The following KCNQ5 variants were observed in gnomAD, a reference collection of about 807,000 sequenced individuals.
The protein encoded by KCNQ5 is potassium voltage-gated channel subfamily KQT member 5.
A neutral mutation model predicts 98.2 loss-of-function variants in KCNQ5; 30 were observed. The observed-to-expected ratio is 0.31, with a 90% CI of 0.23 to 0.41. KCNQ5 has a LOEUF of 0.41. KCNQ5 is among the 10% of genes least tolerant of loss of function. KCNQ5 has a pLI of 1.00. For synonymous variants in KCNQ5, 458 were observed against 449.4 expected, an observed-to-expected ratio of 1.02 and a Z score of -0.24; for missense variants, 835 against 1,182.5, an observed-to-expected ratio of 0.71 and a Z score of 4.31.
chr6:73,176,319 C>T (rs1057082868), intron 11 of KCNQ5, among the ~76,000 whole-genome samples: 8 of 152,146 alleles, frequency 5.3e-5, no homozygotes, highest in East Asian at 1.9e-4. Context: ...ACCTCCCTCC[C>T]GCTTCTCTCT....
intron 1 of KCNQ5, among the ~76,000 whole-genome samples, chr6:72,716,291 A>T (rs1316340059): frequency 6.6e-6 from 1 of 152,244 alleles, no homozygotes; most frequent in Non-Finnish European, 1.5e-5. Context: ...TCACAAAGTG[A>T]CTATTTCATA....
At chr6:73,147,304 A>C (rs572427827) in intron 10 of KCNQ5, among the ~76,000 whole-genome samples, 1 of 152,262 alleles carries the variant, frequency 6.6e-6, no homozygotes, top group South Asian at 2.1e-4. Flanking sequence ...TAATTAATTA[A>C]TGCTGATTTC....
chr6:73,029,021 T>C (rs1771014745), intron 2 of KCNQ5, among the ~76,000 whole-genome samples: 1 of 152,172 alleles, frequency 6.6e-6, no homozygotes, highest in South Asian at 2.1e-4. Flanking sequence ...ATAGAGGCCG[T>C]CACCCATCAG....
At chr6:72,904,892 G>T (rs1779642493) in intron 1 of KCNQ5, among the ~76,000 whole-genome samples, 1 of 152,130 alleles carries the variant, frequency 6.6e-6, no homozygotes, top group African/African-American at 2.4e-5. Context: ...GGTGTTCTTT[G>T]TGCTTCTTGT....
intron 11 of KCNQ5, among the ~76,000 whole-genome samples, chr6:73,185,617 G>A (rs562011409): frequency 6.6e-6 from 1 of 152,304 alleles, no homozygotes; most frequent in South Asian, 2.1e-4. Context: ...TATTGTTGCT[G>A]GAACCTAAAG....
In KCNQ5 at chr6:72,987,243, G is replaced by T. The variant is rs1429311259; in HGVS notation, c.399-16665G>T. The T allele has an allele frequency of 4.3e-6, 3 of 690,436 alleles. No individual in the cohort carries two copies. The African/African-American group carries it at 5.2e-5, about 12-fold the overall frequency. The allele number at this position is 690,436 out of a possible 1,614,324, so 42.8% of individuals were successfully genotyped here. On this transcript the variant is annotated intron_variant, in intron 1 of 13. Coordinates refer to ENST00000370398, the MANE Select transcript of KCNQ5 (RefSeq NM_019842.4). ...AAAGAACAAGAGGAAAGAGAGTGGG[G>T]CAGCAAGAGACCCTTGGAAGGAGGA... is the stretch of plus-strand genomic sequence containing the variant.
At chr6:72,672,090 A>G (rs1228515400) in intron 1 of KCNQ5, among the ~76,000 whole-genome samples, 1 of 151,072 alleles carries the variant, frequency 6.6e-6, no homozygotes, top group Non-Finnish European at 1.5e-5. Flanking sequence ...TGCTGGGATT[A>G]CAGGCATGAG....
At chr6:73,052,847 C>T (rs936209463) in intron 3 of KCNQ5, among the ~76,000 whole-genome samples, 1 of 152,112 alleles carries the variant, frequency 6.6e-6, no homozygotes, top group East Asian at 1.9e-4. Flanking sequence ...TGCATAATAA[C>T]CAATTAACAA....
chr6:72,912,969 T>C (rs1391970290), intron 1 of KCNQ5, among the ~76,000 whole-genome samples: 2 of 152,100 alleles, frequency 1.3e-5, no homozygotes, highest in East Asian at 3.9e-4. Flanking sequence ...GTCTTAATAC[T>C]TGGGTTATGA....
chr6:72,902,890 T>C (rs1444322273), intron 1 of KCNQ5, among the ~76,000 whole-genome samples: 1 of 152,154 alleles, frequency 6.6e-6, no homozygotes, highest in Non-Finnish European at 1.5e-5. Context: ...CTTTATCTTA[T>C]GAAATAGTGT....
intron 6 of KCNQ5, 70 bp from the exon 7 acceptor site, chr6:73,111,238 C>A: frequency 1.9e-6 from 2 of 1,060,948 alleles, no homozygotes; most frequent in Non-Finnish European, 2.9e-6. Flanking sequence ...ATTTTAGTGA[C>A]TTTTTAATAT....
chr6:72,852,640 A>AATAAATAAATATATATAT lies in KCNQ5; in HGVS notation c.399-151265_399-151264insAATAAATATATATATATA, dbSNP rs1026407821. Among the ~76,000 whole-genome samples the AATAAATAAATATATATAT allele has an allele frequency of 5.6e-4, 32 of 56,796 alleles. 2 individuals carry two copies. Among genetic ancestry groups the AATAAATAAATATATATAT allele is most frequent in the South Asian group, 3.5e-3 (5 of 1,442 alleles). The allele number at this position is 56,796 out of a possible 152,430, so 37.3% of individuals were successfully genotyped here. On this transcript the variant is annotated intron_variant, in intron 1 of 13. Transcript: ENST00000370398. ...AGTGGAGAGAAGGAGATGAAGGGGA[A>AATAAATAAATATATATAT]ATATATATATATATATATATAAATG...
intron 1 of KCNQ5, among the ~76,000 whole-genome samples, chr6:72,640,334 C>CAA (rs71689978): frequency 1.7e-5 from 2 of 119,296 alleles, no homozygotes; most frequent in African/African-American, 3.2e-5. Context: ...AATTGCTGGG[C>CAA]AAAAAAAAAA....
chr6:72,919,191 A>G (rs1038431450), intron 1 of KCNQ5, among the ~76,000 whole-genome samples: 3 of 152,206 alleles, frequency 2.0e-5, no homozygotes, highest in Admixed American at 6.5e-5. Context: ...CCTCTGGTCC[A>G]GTCATCTGAA....
intron 1 of KCNQ5, among the ~76,000 whole-genome samples, chr6:72,902,506 A>G (rs2150195880): frequency 6.6e-6 from 1 of 152,010 alleles, no homozygotes; most frequent in Non-Finnish European, 1.5e-5. Flanking sequence ...ATTAAATTGA[A>G]GTATGTCCTG....
chr6:72,644,809 G>A (rs1052914108), intron 1 of KCNQ5, among the ~76,000 whole-genome samples: 11 of 151,854 alleles, frequency 7.2e-5, no homozygotes, highest in South Asian at 2.1e-4. Flanking sequence ...CACTATCATC[G>A]TCATTCTCTC....
intron 10 of KCNQ5, among the ~76,000 whole-genome samples, chr6:73,151,639 C>A (rs370480108): frequency 6.6e-6 from 1 of 152,292 alleles, no homozygotes; most frequent in South Asian, 2.1e-4. Flanking sequence ...AGGTAAATTG[C>A]GTCAGGTAAC....
chr6:72,864,393 A>C (rs140909342), intron 1 of KCNQ5, among the ~76,000 whole-genome samples: 1 of 152,330 alleles, frequency 6.6e-6, no homozygotes, highest in East Asian at 1.9e-4. Flanking sequence ...ACTTAATGCC[A>C]GTTCCAAAAC....
At chr6:73,077,183 G>A in intron 3 of KCNQ5, 139 bp from the exon 4 acceptor site, 2 of 759,578 alleles carry the variant, frequency 2.6e-6, no homozygotes, top group Admixed American at 5.3e-5. Flanking sequence ...GAGGCCAAGT[G>A]GCACTAGGTG....
Sources: allele counts gnomAD v4.1 joint callset (sites outside exome capture counted in the v4.1 genomes callset), GRCh38; gene constraint gnomAD v4.1.1; transcripts MANE v1.5; gene names NCBI Gene and HGNC (gene_info 2026-07-23, HGNC 2026-07-21).